Variants in BCL11B observed in about 807,000 individuals in gnomAD.
BCL11B encodes the protein BCL11 transcription factor B.
BCL11B carries 8 observed loss-of-function variants against 49.9 expected under a neutral mutation model. The observed-to-expected ratio is 0.16, with a 90% CI of 0.09 to 0.29. The LOEUF (loss-of-function observed/expected upper bound fraction) is 0.29. BCL11B is among the 10% of genes least tolerant of loss of function. BCL11B has a pLI of 1.00. For synonymous variants in BCL11B, 739 were observed against 637.4 expected (o/e 1.16, Z -2.40); for missense variants, 1,006 against 1,351.0 (o/e 0.74, Z 4.00).
Position 99,241,281 on chromosome 14 carries a change from T to G in BCL11B, c.428-9724A>C, listed in dbSNP as rs1423967654. ...CATGAAATATACCCCAAAACAACAT[T>G]GTAGATAAGAGCCCAGAGGCGGGGA... On this transcript the variant is annotated intron_variant, in intron 2 of 3. Coordinates refer to ENST00000357195, the MANE Select transcript of BCL11B (RefSeq NM_138576.4). The surrounding 1 kb of genome is among the most constrained non-coding windows in gnomAD (Gnocchi z 4.4). Among the ~76,000 whole-genome samples, 1 of 151,946 alleles carries G rather than the reference T, an allele frequency of 6.6e-6. No homozygotes were observed. Among genetic ancestry groups the G allele is most frequent in the African/African-American group, 2.4e-5 (1 of 41,332 alleles).
In BCL11B at chr14:99,174,568, G is replaced by T; in HGVS notation, c.2268C>A (p.Pro756=). 1 of 1,517,010 alleles carries T rather than the reference G, an allele frequency of 6.6e-7. No homozygotes were observed. Among genetic ancestry groups the T allele is most frequent in the Non-Finnish European group, 8.8e-7 (1 of 1,135,070 alleles). 94.0% of individuals were successfully genotyped at this position (1,517,010 alleles called of 1,614,324 possible). ...AGAGGCCGCCGTCCAGCAGGTCCCCGGGCGGCGTGGAGAAGCGCAGGCTGC... is the reference window on the plus strand; with the variant it reads ...AGAGGCCGCCGTCCAGCAGGTCCCCTGGCGGCGTGGAGAAGCGCAGGCTGC... The part of the protein sequence containing the change: ...ENGSLRFSTP[P]GDLLDGGLSG... The change falls in exon 4 of 4, where the codon CCC becomes CCA. Residue 756 remains proline, a synonymous_variant. Coordinates refer to ENST00000357195, the MANE Select transcript of BCL11B (RefSeq NM_138576.4).
intron 1 of BCL11B, among the ~76,000 whole-genome samples, chr14:99,258,848 A>G (rs1189243932): frequency 6.6e-6 from 1 of 152,138 alleles, no homozygotes; most frequent in Admixed American, 6.5e-5. Flanking sequence ...CTTTCAATGG[A>G]CTGTATGTTT....
chr14:99,249,665 T>C (rs1888945484), intron 2 of BCL11B, among the ~76,000 whole-genome samples: 1 of 152,234 alleles, frequency 6.6e-6, no homozygotes, highest in Admixed American at 6.5e-5. Flanking sequence ...CTCACCGCTG[T>C]GTGACCTTGG....
At position 99,231,310 on chromosome 14, in the gene BCL11B, G is replaced by A. The variant is rs774232153; in HGVS notation, c.640+35C>T. The stretch of plus-strand genomic sequence containing the variant: ...TGCCCATGGCACACCCCGCCATCCC[G>A]GGGGCCCGCCCCCCACCGCGGCGTC... On this transcript the variant is annotated intron_variant, in intron 3 of 3. Transcript: ENST00000357195. The surrounding 1 kb of genome is among the most constrained non-coding windows in gnomAD (Gnocchi z 8.1). 2.1e-5 allele frequency: 33 copies of A among 1,594,478 alleles called. No homozygotes were observed. Among genetic ancestry groups the A allele is most frequent in the East Asian group, 6.8e-5 (3 of 44,054 alleles).
At chr14:99,214,673 A>C (rs1887781211) in intron 3 of BCL11B, among the ~76,000 whole-genome samples, 1 of 151,500 alleles carries the variant, frequency 6.6e-6, no homozygotes, top group Non-Finnish European at 1.5e-5. Flanking sequence ...ATATTAAAAA[A>C]ATAAATAAAT....
Position 99,175,237 on chromosome 14 carries a change from C to G in BCL11B, c.1599G>C (p.Glu533Asp), listed in dbSNP as rs753227225. ...CCTCCTCCTCCTCCTCCTCCTCGTC[C>G]TCCTCCTCCGGCTCGTGGCCCAGCG... Reference protein sequence around the residue: ...DPSLGHEPEEEDEEEEEEEEE... With the variant: ...DPSLGHEPEEDDEEEEEEEEE... Residue 533 changes from glutamate (E) to aspartate (D), a missense_variant, in exon 4 of 4, where the codon GAG (glutamate) becomes GAC (aspartate). Physicochemically the swap from Glu to Asp is conservative, Grantham distance 45. Coordinates refer to ENST00000357195, the MANE Select transcript of BCL11B (RefSeq NM_138576.4). 3 of 1,548,118 alleles carry G rather than the reference C, an allele frequency of 1.9e-6. No individual in the cohort carries two copies. The highest frequency in any genetic ancestry group is 1.4e-5 in the African/African-American group (1 of 73,426).
rs930985821 is a variant in BCL11B at position 99,169,632 on chromosome 14, T to C, written c.*4519A>G. The stretch of plus-strand genomic sequence containing the variant: ...CAACAAAAGCTCATACAATAAGTAA[T>C]AGAAAAGGTAATAAAAATATTTTGC... On this transcript the variant is annotated 3_prime_UTR_variant, in exon 4 of 4. Transcript: ENST00000357195. 11 of 211,890 alleles carry C rather than the reference T, an allele frequency of 5.2e-5. No homozygotes were observed. The highest frequency in any genetic ancestry group is 2.3e-4 in the African/African-American group (10 of 44,174). 13.1% of individuals were successfully genotyped at this position (211,890 alleles called of 1,614,324 possible). A position where few individuals can be genotyped will look rare whatever the true frequency, so the allele number is the denominator to read the frequency against.
chr14:99,231,291 T>C lies in BCL11B; in HGVS notation c.640+54A>G. On this transcript the variant is annotated intron_variant, in intron 3 of 3. Coordinates refer to ENST00000357195, the MANE Select transcript of BCL11B (RefSeq NM_138576.4). This position sits in a 1 kb window ranked among gnomAD's most constrained non-coding sequence, Gnocchi z 8.1. ...CCCCACCTTGCTCCAGCGCTGCCCA[T>C]GGCACACCCCGCCATCCCGGGGGCC... 6.4e-6 allele frequency: 10 copies of C among 1,570,532 alleles called. No homozygotes were observed. Among genetic ancestry groups the C allele is most frequent in the South Asian group, 3.5e-5 (3 of 86,432 alleles).
intron 1 of BCL11B, among the ~76,000 whole-genome samples, chr14:99,267,128 C>T (rs1159481420): frequency 6.6e-6 from 1 of 152,116 alleles, no homozygotes; most frequent in Non-Finnish European, 1.5e-5. Flanking sequence ...AACCCAGCCT[C>T]GATGTCTCTA....
chr14:99,198,535 T>C (rs925714350), intron 3 of BCL11B, among the ~76,000 whole-genome samples: 3 of 152,190 alleles, frequency 2.0e-5, no homozygotes, highest in Non-Finnish European at 2.9e-5. Context: ...TTTTCCATGA[T>C]TATAGGGACG....
rs1243630222 is a variant in BCL11B at position 99,192,154 on chromosome 14, AT to A, written c.641-15960del. Reference sequence around the variant, plus strand: ...AAATCAGAAAGTCAATTTTTCCTCTATTTGCAGCAGTGCTGGCTCCACTGGA... The same window carrying A: ...AAATCAGAAAGTCAATTTTTCCTCTATTGCAGCAGTGCTGGCTCCACTGGA... On this transcript the variant is annotated intron_variant, in intron 3 of 3. Transcript: ENST00000357195. The surrounding 1 kb of genome is among the most constrained non-coding windows in gnomAD (Gnocchi z 4.0). 6.6e-6 allele frequency among the ~76,000 whole-genome samples: 1 copy of A among 152,170 alleles called. No homozygotes were observed. The highest frequency in any genetic ancestry group is 1.5e-5 in the Non-Finnish European group (1 of 68,032).
intron 3 of BCL11B, among the ~76,000 whole-genome samples, chr14:99,202,611 G>A (rs1056781161): frequency 6.6e-6 from 1 of 152,204 alleles, no homozygotes; most frequent in Admixed American, 6.5e-5. Context: ...GGATGGGAGG[G>A]AGAGAGAGGG....
In BCL11B at chr14:99,232,828, C is replaced by T. The variant is rs1166264306; in HGVS notation, c.428-1271G>A. On this transcript the variant is annotated intron_variant, in intron 2 of 3. Coordinates refer to ENST00000357195, the MANE Select transcript of BCL11B (RefSeq NM_138576.4). This position sits in a 1 kb window ranked among gnomAD's most constrained non-coding sequence, Gnocchi z 5.1. ...AGAACCAGGGCTCTTTCTCTGTAGCCCTGGTTTCTCTAAAACATGGGTTAT... is the reference window on the plus strand; with the variant it reads ...AGAACCAGGGCTCTTTCTCTGTAGCTCTGGTTTCTCTAAAACATGGGTTAT... Among the ~76,000 whole-genome samples, 4 of 152,164 alleles carry T rather than the reference C, an allele frequency of 2.6e-5. No homozygotes were observed. Among genetic ancestry groups the T allele is most frequent in the Non-Finnish European group, 5.9e-5 (4 of 68,038 alleles).
intron 3 of BCL11B, among the ~76,000 whole-genome samples, chr14:99,176,845 GAAC>G (rs888180770): frequency 6.6e-6 from 1 of 152,000 alleles, no homozygotes; most frequent in African/African-American, 2.4e-5. Flanking sequence ...ACCCCTTTGA[GAAC>G]AACCAATTCT....
chr14:99,227,769 C>G lies in BCL11B; in HGVS notation c.640+3576G>C, dbSNP rs1457664926. Among the ~76,000 whole-genome samples the G allele has an allele frequency of 2.0e-5, 3 of 152,188 alleles. No individual in the cohort carries two copies. In the East Asian group the frequency reaches 5.8e-4, roughly 29 times the overall value. On this transcript the variant is annotated intron_variant, in intron 3 of 3. Coordinates refer to ENST00000357195, the MANE Select transcript of BCL11B (RefSeq NM_138576.4). Reference sequence around the variant, plus strand: ...GGCCAGCTGAAGCACAGACCAGGAACACAGTCTGAGGCTCTTGACCCCACA... The same window carrying G: ...GGCCAGCTGAAGCACAGACCAGGAAGACAGTCTGAGGCTCTTGACCCCACA...
chr14:99,234,855 C>CAAAAAAAAA, intron 2 of BCL11B, among the ~76,000 whole-genome samples: 1 of 66,638 alleles, frequency 1.5e-5, no homozygotes, highest in Non-Finnish European at 2.8e-5. Context: ...GGTCTATGCA[C>CAAAAAAAAA]AAAAAAAAAA....
chr14:99,265,666 G>A (rs1889459608), intron 1 of BCL11B, among the ~76,000 whole-genome samples: 1 of 152,190 alleles, frequency 6.6e-6, no homozygotes, highest in Non-Finnish European at 1.5e-5. Context: ...GAGTGGTCCA[G>A]TGAGCTCGCT....
At chr14:99,243,579 T>C (rs982668184) in intron 2 of BCL11B, among the ~76,000 whole-genome samples, 4 of 152,164 alleles carry the variant, frequency 2.6e-5, no homozygotes, top group Non-Finnish European at 4.4e-5. Context: ...TGGTTTGCCC[T>C]GGGCTGTTTA....
rs943741557 is a variant in BCL11B, at chr14:99,170,261, C to CT, written c.*3889dup. ...AGCTTTCTCTCCCATTCCCTCCCCCCTTTTTTTTAACTTTGCAAAGGTAAG... is the reference window on the plus strand; with the variant it reads ...AGCTTTCTCTCCCATTCCCTCCCCCCTTTTTTTTTAACTTTGCAAAGGTAAG... On this transcript the variant is annotated 3_prime_UTR_variant, in exon 4 of 4. Coordinates refer to ENST00000357195, the MANE Select transcript of BCL11B (RefSeq NM_138576.4). The CT allele has an allele frequency of 1.6e-4, 35 of 220,552 alleles. No homozygotes were observed. Among genetic ancestry groups the CT allele is most frequent in the East Asian group, 2.0e-4 (3 of 14,964 alleles). The allele number at this position is 220,552 out of a possible 1,614,324, so 13.7% of individuals were successfully genotyped here.
Sources: gnomAD v4.1 joint callset for allele counts (sites outside exome capture counted in the v4.1 genomes callset) on GRCh38, gnomAD v4.1.1 for gene constraint, Gnocchi (gnomAD v3.1) non-coding constraint, MANE v1.5 for transcripts, NCBI Gene and HGNC (gene_info 2026-07-23, HGNC 2026-07-21) for gene names.